UBXN6: variants seen among roughly 807,000 people sequenced by gnomAD.
UBXN6 encodes UBX domain protein 6.
A neutral mutation model predicts 51.4 loss-of-function variants in UBXN6; 44 were observed. The observed-to-expected ratio is 0.86, with a 90% CI of 0.67 to 1.10. The LOEUF is 1.10. Ranked by LOEUF, UBXN6 falls within the 50% of genes least tolerant of loss-of-function variation. The pLI, the probability that UBXN6 is intolerant of heterozygous loss-of-function variation, is 0.00. For missense variants in UBXN6, 672 were observed against 596.1 expected (o/e 1.13, Z -1.32); for synonymous variants, 316 against 263.2 (o/e 1.20, Z -1.94).
Position 4,448,340 on chromosome 19 carries a change from G to C in UBXN6, c.517C>G (p.Leu173Val). 6.2e-7 allele frequency: 1 copy of C among 1,609,190 alleles called. No individual in the cohort carries two copies. Among genetic ancestry groups the C allele is most frequent in the Non-Finnish European group, 8.5e-7 (1 of 1,178,316 alleles). ...TFNKDQDRVK[L>V]GVDTIAKYLD... ...CACTTGGCAATGGTGTCCACACCCA[G>C]CTTCACCCGGTCCTGGTCTTTGTTG... The change falls in exon 5 of 11, where the codon CTG becomes GTG. Residue 173 changes from leucine (L) to valine (V), a missense_variant. Coordinates refer to ENST00000301281, the MANE Select transcript of UBXN6 (RefSeq NM_025241.3).
intron 3 of UBXN6, 111 bp from the exon 4 acceptor site, chr19:4,452,603 A>G: frequency 2.9e-6 from 4 of 1,397,176 alleles, no homozygotes; most frequent in Non-Finnish European, 3.8e-6. Flanking sequence ...TCCAGCCCCC[A>G]TGCTGTCCCT....
intron 1 of UBXN6, among the ~76,000 whole-genome samples, chr19:4,454,501 C>T (rs928761506): frequency 6.6e-6 from 1 of 152,172 alleles, no homozygotes; most frequent in Non-Finnish European, 1.5e-5. Context: ...TGGCTTACTG[C>T]AATCCTGAGC....
intron 6 of UBXN6, chr19:4,447,278 C>G: frequency 1.7e-6 from 1 of 572,122 alleles, no homozygotes. Flanking sequence ...TCCCCAGAGT[C>G]GACATGTTCC....
intron 10 of UBXN6, 47 bp downstream of exon 10, chr19:4,446,002 C>A: frequency 1.3e-6 from 2 of 1,556,012 alleles, no homozygotes; most frequent in Non-Finnish European, 8.7e-7. Context: ...CCCAGGAGAA[C>A]CTGCAGAGGC....
intron 1 of UBXN6, among the ~76,000 whole-genome samples, chr19:4,456,378 C>A (rs1051164083): frequency 2.9e-4 from 44 of 151,702 alleles, no homozygotes; most frequent in African/African-American, 1.0e-3. Flanking sequence ...ACCCCACTGC[C>A]CCGTGATTCC....
Position 4,457,747 on chromosome 19 carries a change from G to C in UBXN6, c.-50C>G. The C allele has an allele frequency of 1.6e-6, 2 of 1,240,356 alleles. No individual in the cohort carries two copies. Among genetic ancestry groups the C allele is most frequent in the Non-Finnish European group, 2.2e-6 (2 of 926,352 alleles). The allele number at this position is 1,240,356 out of a possible 1,614,324, so 76.8% of individuals were successfully genotyped here. A position where few individuals can be genotyped will look rare whatever the true frequency, so the allele number is the denominator to read the frequency against. ...GGGCCGCGGGGGCGGGGGGGCACGG[G>C]GCCCAGTCGGGGACGGGGCCGCCGG... On this transcript the variant is annotated 5_prime_UTR_variant, in exon 1 of 11. Transcript: ENST00000301281.
In UBXN6 at chr19:4,457,740, G is replaced by T. The variant is rs749445536; in HGVS notation, c.-43C>A. ...CGGCGGGGGGCCGCGGGGGCGGGGG[G>T]GCACGGGGCCCAGTCGGGGACGGGG... On this transcript the variant is annotated 5_prime_UTR_variant, in exon 1 of 11. Coordinates refer to ENST00000301281, the MANE Select transcript of UBXN6 (RefSeq NM_025241.3). 2.9e-6 allele frequency: 4 copies of T among 1,383,566 alleles called. No individual in the cohort carries two copies. The South Asian group carries it at 5.3e-5, about 18-fold the overall frequency. 85.7% of individuals were successfully genotyped at this position (1,383,566 alleles called of 1,614,324 possible).
At position 4,453,438 on chromosome 19, in the gene UBXN6, C is replaced by T. The variant is rs1380494122; in HGVS notation, c.312+20G>A. ...CCCCACCCCTTGGCATGGGACAGTG[C>T]CACCAGTGGCTGTTCTTACCACGTT... On this transcript the variant is annotated intron_variant, in intron 3 of 10. Transcript: ENST00000301281. 2.5e-6 allele frequency: 4 copies of T among 1,611,722 alleles called. No individual in the cohort carries two copies. Among genetic ancestry groups the T allele is most frequent in the Non-Finnish European group, 3.4e-6 (4 of 1,179,022 alleles).
chr19:4,455,305 TC>T, intron 1 of UBXN6: 5 of 985,490 alleles, frequency 5.1e-6, no homozygotes, highest in Non-Finnish European at 6.0e-6. Context: ...CTCCTCTGGC[TC>T]TGCTTACATA....
At chr19:4,451,257 A>C (rs1346737119) in intron 4 of UBXN6, among the ~76,000 whole-genome samples, 1 of 151,994 alleles carries the variant, frequency 6.6e-6, no homozygotes. Context: ...GGGTTTCACT[A>C]TGTTGACCAG....
At chr19:4,457,802 A>T (rs57787685), upstream of UBXN6, 4,325 of 463,472 alleles carry the variant, frequency 9.3e-3, 261 homozygotes, top group Middle Eastern at 0.014. Flanking sequence ...AATTAAAAAA[A>T]AAAAAAAAAA....
chr19:4,445,990 G>A, intron 10 of UBXN6, 59 bp downstream of exon 10: 1 of 1,542,750 alleles, frequency 6.5e-7, no homozygotes, highest in Non-Finnish European at 8.7e-7. Flanking sequence ...GTCTGTGCCG[G>A]TCCCAGGAGA....
At chr19:4,453,272 C>G (rs1047347178) in intron 3 of UBXN6, among the ~76,000 whole-genome samples, 186 bp downstream of exon 3, 2 of 152,198 alleles carry the variant, frequency 1.3e-5, no homozygotes, top group African/African-American at 4.8e-5. Flanking sequence ...GAGCCGGCAT[C>G]CTCAGCTGCC....
rs1348830315 is a variant in UBXN6, at chr19:4,457,724, G to A, written c.-27C>T. ...GTGGCGGCTGGCCCGGCGGCGGGGG[G>A]CCGCGGGGGCGGGGGGGCACGGGGC... is the stretch of plus-strand genomic sequence containing the variant. On this transcript the variant is annotated 5_prime_UTR_variant, in exon 1 of 11. Coordinates refer to ENST00000301281, the MANE Select transcript of UBXN6 (RefSeq NM_025241.3). The A allele has an allele frequency of 1.0e-5, 15 of 1,491,254 alleles. No homozygotes were observed. Among genetic ancestry groups the A allele is most frequent in the Non-Finnish European group, 1.3e-5 (15 of 1,120,510 alleles). The allele number at this position is 1,491,254 out of a possible 1,614,324, so 92.4% of individuals were successfully genotyped here.
chr19:4,451,589 C>G (rs1443031055), intron 4 of UBXN6, among the ~76,000 whole-genome samples: 4 of 152,076 alleles, frequency 2.6e-5, no homozygotes, highest in Non-Finnish European at 1.5e-5. Flanking sequence ...TTCTGAGAAC[C>G]TATTGATGGT....
rs1347797546 is a variant in UBXN6 at position 4,445,203 on chromosome 19, CGT to C, written c.*293_*294del. On this transcript the variant is annotated 3_prime_UTR_variant, in exon 11 of 11. Transcript: ENST00000301281. The stretch of plus-strand genomic sequence containing the variant: ...TGCTCTCCTGCCCAGGGAGATGCCA[CGT>C]GTGTCTGTCCGGCAGCTTCATGACA... 2.6e-6 allele frequency: 1 copy of C among 386,168 alleles called. No homozygotes were observed. The highest frequency in any genetic ancestry group is 4.1e-5 in the Admixed American group (1 of 24,554). The allele number at this position is 386,168 out of a possible 1,614,324, so 23.9% of individuals were successfully genotyped here.
At chr19:4,455,954 G>A (rs1974734119) in intron 1 of UBXN6, among the ~76,000 whole-genome samples, 2 of 152,048 alleles carry the variant, frequency 1.3e-5, no homozygotes, top group African/African-American at 2.4e-5. Context: ...TGGTTTATTT[G>A]TCCATCGGCT....
chr19:4,450,119 G>A (rs1442125636), intron 4 of UBXN6: 1 of 152,024 alleles, frequency 6.6e-6, no homozygotes, highest in East Asian at 1.9e-4. Context: ...CAGCTACTTG[G>A]GAGGCTGAGG....
At chr19:4,447,154 T>C (rs1022432264) in intron 6 of UBXN6, 12 of 594,596 alleles carry the variant, frequency 2.0e-5, no homozygotes, top group Admixed American at 5.9e-5. Flanking sequence ...GCACGAAGAG[T>C]GAGGCTGAGG....
Sources: gnomAD v4.1 joint callset for allele counts (sites outside exome capture counted in the v4.1 genomes callset) on GRCh38, gnomAD v4.1.1 for gene constraint, MANE v1.5 for transcripts, NCBI Gene and HGNC (gene_info 2026-07-23, HGNC 2026-07-21) for gene names.